The following INPP4B variants were observed in gnomAD, a reference collection of about 807,000 sequenced individuals.
INPP4B encodes inositol polyphosphate-4-phosphatase type II B, also known as inositol polyphosphate 4-phosphatase type II.
A neutral mutation model predicts 122.5 loss-of-function variants in INPP4B; 55 were observed. The observed-to-expected ratio is 0.45, with a 90% confidence interval of 0.36 to 0.56. The LOEUF (loss-of-function observed/expected upper bound fraction) is 0.56. Among genes scored for constraint, INPP4B ranks in the 20% least tolerant of loss-of-function variants. The pLI is 0.00. For synonymous variants in INPP4B, 403 were observed against 388.7 expected (o/e 1.04, Z -0.43); for missense variants, 1,000 against 1,097.7 (o/e 0.91, Z 1.26).
intron 2 of INPP4B, chr4:142,583,711 C>T (rs575560969): frequency 6.6e-6 from 1 of 152,080 alleles, no homozygotes; most frequent in Non-Finnish European, 1.5e-5. Flanking sequence ...TTTAATTTAA[C>T]AAGTATATTG....
At chr4:142,209,216 C>T (rs1176163265) in intron 12 of INPP4B, among the ~76,000 whole-genome samples, 190 bp from the exon 13 acceptor site, 1 of 152,104 alleles carries the variant, frequency 6.6e-6, no homozygotes, top group Non-Finnish European at 1.5e-5. Context: ...AGCTTAACCA[C>T]ACAAATAAAA....
intron 2 of INPP4B, among the ~76,000 whole-genome samples, chr4:142,648,567 C>T (rs1262961610): frequency 1.3e-5 from 2 of 152,212 alleles, no homozygotes; most frequent in Non-Finnish European, 2.9e-5. Context: ...TTAATCACTG[C>T]CAGTGCAGCA....
chr4:142,607,132 C>T (rs1741441559), intron 2 of INPP4B, among the ~76,000 whole-genome samples: 1 of 151,694 alleles, frequency 6.6e-6, no homozygotes, highest in Admixed American at 6.6e-5. Flanking sequence ...ACATTTTTTG[C>T]ATAAATATAT....
intron 12 of INPP4B, among the ~76,000 whole-genome samples, chr4:142,225,457 CT>C (rs1438038535): frequency 6.6e-6 from 1 of 151,370 alleles, no homozygotes; most frequent in Non-Finnish European, 1.5e-5. Context: ...AATAAACTCC[CT>C]TTCATATATA....
intron 5 of INPP4B, among the ~76,000 whole-genome samples, chr4:142,412,873 G>A (rs1804900303): frequency 6.6e-6 from 1 of 151,968 alleles, no homozygotes; most frequent in Non-Finnish European, 1.5e-5. Flanking sequence ...TCATCACTCT[G>A]AAAGACGAGG....
At chr4:142,288,562 G>A (rs924966901) in intron 9 of INPP4B, among the ~76,000 whole-genome samples, 2 of 152,084 alleles carry the variant, frequency 1.3e-5, no homozygotes, top group South Asian at 2.1e-4. Context: ...CAGCCTGGGC[G>A]ACAGAGCGAG....
chr4:142,325,334 T>G lies in INPP4B; in HGVS notation c.373-10572A>C, dbSNP rs557568866. On this transcript the variant is annotated intron_variant, in intron 7 of 25. Transcript: ENST00000262992. ...GTAACTGGAGAGGAAAAAATGCCAT[T>G]TAAATATTGGTCTGTCTGTTGAGTT... Among the ~76,000 whole-genome samples the G allele has an allele frequency of 6.6e-5, 10 of 152,306 alleles. No individual in the cohort carries two copies. The East Asian group carries it at 1.9e-3, about 29-fold the overall frequency.
At chr4:142,640,954 A>G (rs1422730722) in intron 2 of INPP4B, among the ~76,000 whole-genome samples, 1 of 152,226 alleles carries the variant, frequency 6.6e-6, no homozygotes. Flanking sequence ...AAGTAGTAAG[A>G]ACTCTGACTT....
chr4:142,182,163 T>C (rs1831068465), intron 15 of INPP4B, among the ~76,000 whole-genome samples: 1 of 152,194 alleles, frequency 6.6e-6, no homozygotes, highest in Non-Finnish European at 1.5e-5. Context: ...ATTAGCTGCA[T>C]TGGTGACTCA....
intron 2 of INPP4B, among the ~76,000 whole-genome samples, chr4:142,650,513 T>C (rs1399426477): frequency 6.8e-6 from 1 of 147,520 alleles, no homozygotes; most frequent in Non-Finnish European, 1.5e-5. Context: ...AATAAAGGGA[T>C]AAAGGAAGAT....
chr4:142,190,716 G>C lies in INPP4B; in HGVS notation c.1181+2371C>G, dbSNP rs184751990. ...CTTAAAATTAACCCAAGATCTGTAAGAGTGTGTGTGTGTGTGTGTGTGTGT... is the reference window on the plus strand; with the variant it reads ...CTTAAAATTAACCCAAGATCTGTAACAGTGTGTGTGTGTGTGTGTGTGTGT... On this transcript the variant is annotated intron_variant, in intron 15 of 25. Coordinates refer to ENST00000262992, the MANE Select transcript of INPP4B (RefSeq NM_001101669.3). 4.4e-3 allele frequency among the ~76,000 whole-genome samples: 613 copies of C among 139,134 alleles called. 1 individual carries two copies. Among genetic ancestry groups the C allele is most frequent in the Non-Finnish European group, 6.0e-3 (394 of 65,204 alleles). 91.3% of individuals were successfully genotyped at this position (139,134 alleles called of 152,430 possible).
chr4:142,048,639 G>A (rs1357786488), intron 25 of INPP4B, among the ~76,000 whole-genome samples: 1 of 152,078 alleles, frequency 6.6e-6, no homozygotes, highest in Non-Finnish European at 1.5e-5. Flanking sequence ...AAGTGGGGGA[G>A]AGCAACAGAG....
chr4:142,296,978 G>A (rs2151052320), intron 9 of INPP4B, among the ~76,000 whole-genome samples: 1 of 151,280 alleles, frequency 6.6e-6, no homozygotes, highest in African/African-American at 2.4e-5. Context: ...TCAACCCCAA[G>A]AAATGTCACT....
chr4:142,640,718 C>T (rs958337695), intron 2 of INPP4B, among the ~76,000 whole-genome samples: 2 of 151,434 alleles, frequency 1.3e-5, no homozygotes, highest in Admixed American at 6.6e-5. Context: ...CCAATAATTC[C>T]TAACAATTAA....
At chr4:142,471,050 A>G (rs1483080750) in intron 2 of INPP4B, among the ~76,000 whole-genome samples, 1 of 152,192 alleles carries the variant, frequency 6.6e-6, no homozygotes, top group African/African-American at 2.4e-5. Context: ...TATCTCATTT[A>G]TGACTATGGT....
At chr4:142,421,859 T>C (rs753713342) in intron 5 of INPP4B, among the ~76,000 whole-genome samples, 1 of 152,094 alleles carries the variant, frequency 6.6e-6, no homozygotes, top group Non-Finnish European at 1.5e-5. Flanking sequence ...ATGCCTTTAT[T>C]TTGCCCTTAC....
intron 17 of INPP4B, 113 bp downstream of exon 17, chr4:142,160,245 A>T: frequency 1.4e-6 from 1 of 725,584 alleles, no homozygotes; most frequent in Non-Finnish European, 2.1e-6. Flanking sequence ...ATCCACAATC[A>T]GTGTTATAAC....
chr4:142,251,916 C>A (rs1732308128), intron 11 of INPP4B, among the ~76,000 whole-genome samples: 1 of 152,050 alleles, frequency 6.6e-6, no homozygotes, highest in Non-Finnish European at 1.5e-5. Context: ...CATGGCAGGG[C>A]TAGAAAAAAG....
intron 18 of INPP4B, among the ~76,000 whole-genome samples, chr4:142,125,216 G>T (rs1168628831): frequency 1.3e-5 from 2 of 151,612 alleles, no homozygotes; most frequent in African/African-American, 4.8e-5. Context: ...CTCTCCCTTG[G>T]ATTACTTCCT....
Sources: gnomAD v4.1 joint callset for allele counts (sites outside exome capture counted in the v4.1 genomes callset) on GRCh38, gnomAD v4.1.1 for gene constraint, MANE v1.5 for transcripts, NCBI Gene and HGNC (gene_info 2026-07-23, HGNC 2026-07-21) for gene names.